PLOD2: variants seen among roughly 807,000 people sequenced by gnomAD.
PLOD2 encodes the protein procollagen-lysine,2-oxoglutarate 5-dioxygenase 2.
Under a neutral mutation model 101.0 loss-of-function variants are expected in PLOD2, and 65 were observed. The ratio of observed to expected loss-of-function variants is 0.64; its 90% confidence interval spans 0.53 to 0.79. The LOEUF is 0.79. Ranked by LOEUF, PLOD2 falls within the 30% of genes least tolerant of loss-of-function variation. The probability of loss-of-function intolerance (pLI) is 0.00; values close to 1 mark genes in which losing one functional copy is unlikely to be tolerated. For synonymous variants in PLOD2, 314 were observed against 302.9 expected (o/e 1.04, Z -0.38); for missense variants, 909 against 914.6 (o/e 0.99, Z 0.08).
At chr3:146,072,489 C>A in intron 17 of PLOD2, 72 bp downstream of exon 17, 1 of 934,244 alleles carries the variant, frequency 1.1e-6, no homozygotes, top group Non-Finnish European at 1.8e-6. Context: ...AGTATATAAC[C>A]CCTCCGAATT....
At chr3:146,093,947 T>G (rs1698231349) in intron 7 of PLOD2, among the ~76,000 whole-genome samples, 2 of 152,154 alleles carry the variant, frequency 1.3e-5, no homozygotes, top group African/African-American at 4.8e-5. Flanking sequence ...ACATTACTTT[T>G]GACTAGAAAC....
At position 146,081,782 on chromosome 3, in the gene PLOD2, A is replaced by ATAG. The variant is rs763472395; in HGVS notation, c.1311_1313dup (p.Tyr438dup). ...TATCCACATAATCTTCAGATCGTGC[A>ATAG]TAGTATCCATCAGGACTCAATGCTC... is the stretch of plus-strand genomic sequence containing the variant. On this transcript the variant is annotated inframe_insertion, in exon 12 of 20. Transcript: ENST00000282903. 6.2e-7 allele frequency: 1 copy of ATAG among 1,610,728 alleles called. No individual in the cohort carries two copies. The highest frequency in any genetic ancestry group is 1.7e-4 in the Middle Eastern group (1 of 6,048).
At chr3:146,142,352 A>G (rs774187462) in intron 1 of PLOD2, among the ~76,000 whole-genome samples, 1 of 152,072 alleles carries the variant, frequency 6.6e-6, no homozygotes, top group Non-Finnish European at 1.5e-5. Flanking sequence ...AAATCAGTGC[A>G]AAATTCACCA....
intron 1 of PLOD2, among the ~76,000 whole-genome samples, chr3:146,138,123 G>A (rs1416381345): frequency 6.6e-6 from 1 of 152,094 alleles, no homozygotes. Flanking sequence ...ACCACAGGGG[G>A]CACAGCTAAG....
chr3:146,073,120 T>C (rs1037763696), intron 16 of PLOD2, among the ~76,000 whole-genome samples, 167 bp downstream of exon 16: 4 of 151,664 alleles, frequency 2.6e-5, no homozygotes, highest in African/African-American at 9.7e-5. Context: ...TTCTACATTT[T>C]ACAACTGTAT....
Position 146,124,181 on chromosome 3 carries a change from T to C in PLOD2, c.158A>G (p.His53Arg), listed in dbSNP as rs182447852. 6.3e-7 allele frequency: 1 copy of C among 1,598,128 alleles called. No individual in the cohort carries two copies. The highest frequency in any genetic ancestry group is 1.3e-5 in the African/African-American group (1 of 74,684). ...ATATTTGGCTGACTGCATAAATCGATGGAATCCATCACTTTCTTTTGTTGC... is the reference window on the plus strand; with the variant it reads ...ATATTTGGCTGACTGCATAAATCGACGGAATCCATCACTTTCTTTTGTTGC... ...TVATKESDGF[H>R]RFMQSAKYFN... The change falls in exon 2 of 20, where the codon CAT becomes CGT. Residue 53 changes from histidine to arginine, a missense_variant. Physicochemically the swap from His to Arg is conservative, Grantham distance 29 (BLOSUM62 0). Coordinates refer to ENST00000282903, the MANE Select transcript of PLOD2 (RefSeq NM_182943.3).
chr3:146,148,560 C>A (rs2031907641), intron 1 of PLOD2, among the ~76,000 whole-genome samples: 1 of 152,164 alleles, frequency 6.6e-6, no homozygotes, highest in African/African-American at 2.4e-5. Flanking sequence ...AGCAAACACT[C>A]CTCTGTACTG....
intron 1 of PLOD2, among the ~76,000 whole-genome samples, chr3:146,141,937 A>G (rs1174464521): frequency 6.6e-6 from 1 of 152,100 alleles, no homozygotes; most frequent in Non-Finnish European, 1.5e-5. Context: ...TCGCCCTAAA[A>G]CTGAGGACAA....
rs563683508 is a variant in PLOD2 at position 146,072,013 on chromosome 3, C to T, written c.1848+548G>A. On this transcript the variant is annotated intron_variant, in intron 17 of 19. Transcript: ENST00000282903. ...GGCAGTAATATTCCAGAGTATTCTG[C>T]TAAAATGGCATGTCTGTTCTCAGAG... is the stretch of plus-strand genomic sequence containing the variant. Among the ~76,000 whole-genome samples the T allele has an allele frequency of 1.9e-3, 281 of 151,800 alleles. 2 individuals carry two copies. The highest frequency in any genetic ancestry group is 6.5e-3 in the African/African-American group (271 of 41,474).
At chr3:146,125,618 A>G (rs996130773) in intron 1 of PLOD2, among the ~76,000 whole-genome samples, 2 of 151,936 alleles carry the variant, frequency 1.3e-5, no homozygotes, top group African/African-American at 4.8e-5. Flanking sequence ...ATGGTGGCAC[A>G]CACTTGTAAT....
chr3:146,073,837 A>G (rs1238615313), intron 15 of PLOD2, among the ~76,000 whole-genome samples: 1 of 151,608 alleles, frequency 6.6e-6, no homozygotes, highest in Admixed American at 6.6e-5. Context: ...AATTCTACCA[A>G]CAAGTATTTG....
intron 7 of PLOD2, among the ~76,000 whole-genome samples, chr3:146,100,986 C>T (rs1158179231): frequency 2.0e-5 from 3 of 152,094 alleles, no homozygotes; most frequent in Non-Finnish European, 4.4e-5. Flanking sequence ...CTGAGAAAAT[C>T]AGATAAAACC....
At chr3:146,080,437 G>A (rs1245625609) in intron 12 of PLOD2, among the ~76,000 whole-genome samples, 3 of 151,766 alleles carry the variant, frequency 2.0e-5, no homozygotes, top group Non-Finnish European at 4.4e-5. Flanking sequence ...ATAGATAAAG[G>A]GGAATTACTG....
chr3:146,095,324 T>C (rs1354500205), intron 7 of PLOD2, among the ~76,000 whole-genome samples: 1 of 144,498 alleles, frequency 6.9e-6, no homozygotes, highest in Non-Finnish European at 1.5e-5. Flanking sequence ...ATCCATCCAA[T>C]ATCCAGAATC....
chr3:146,145,715 A>G (rs992319944), intron 1 of PLOD2, among the ~76,000 whole-genome samples: 2 of 152,192 alleles, frequency 1.3e-5, no homozygotes, highest in African/African-American at 4.8e-5. Context: ...ATGAATTTTT[A>G]AAAGGCTGAG....
chr3:146,099,880 C>CCT (rs1553733902), intron 7 of PLOD2, among the ~76,000 whole-genome samples: 1 of 129,280 alleles, frequency 7.7e-6, no homozygotes. Context: ...CAGTGACCAA[C>CCT]TTTTTTTTTT....
At chr3:146,125,284 T>C (rs1018850642) in intron 1 of PLOD2, among the ~76,000 whole-genome samples, 3 of 152,176 alleles carry the variant, frequency 2.0e-5, no homozygotes, top group East Asian at 1.9e-4. Flanking sequence ...TTAAAAATTA[T>C]AGCAGATGAA....
At chr3:146,147,981 G>A (rs900686280) in intron 1 of PLOD2, among the ~76,000 whole-genome samples, 3 of 152,058 alleles carry the variant, frequency 2.0e-5, no homozygotes, top group Non-Finnish European at 4.4e-5. Flanking sequence ...GAAAGATTCT[G>A]ATTTTTAAGT....
intron 3 of PLOD2, among the ~76,000 whole-genome samples, chr3:146,119,214 C>T (rs1288265781): frequency 1.3e-5 from 2 of 152,202 alleles, no homozygotes; most frequent in East Asian, 3.9e-4. Context: ...TCCTCCTGCT[C>T]CAATCATGTG....
Sources: allele counts gnomAD v4.1 joint callset (sites outside exome capture counted in the v4.1 genomes callset), GRCh38; gene constraint gnomAD v4.1.1; transcripts MANE v1.5; gene names NCBI Gene and HGNC (gene_info 2026-07-23, HGNC 2026-07-21).